The following MSRA variants were observed in gnomAD, a reference collection of about 807,000 sequenced individuals.
MSRA encodes methionine sulfoxide reductase A, also known as mitochondrial peptide methionine sulfoxide reductase.
A neutral mutation model predicts 31.3 loss-of-function variants in MSRA; 54 were observed. The ratio of observed to expected loss-of-function variants is 1.73; its 90% CI spans 1.39 to 2.17. MSRA has a LOEUF of 2.17. Ranked by LOEUF, MSRA falls within the 30% of genes most tolerant of loss-of-function variation. The pLI, the probability that MSRA is intolerant of heterozygous loss-of-function variation, is 0.00. For missense variants in MSRA, 507 were observed against 300.9 expected (o/e 1.69, Z -5.07); for synonymous variants, 169 against 116.5 (o/e 1.45, Z -2.90).
At chr8:10,290,991 A>G (rs751079955) in intron 3 of MSRA, among the ~76,000 whole-genome samples, 57 of 152,240 alleles carry the variant, frequency 3.7e-4, no homozygotes, top group Middle Eastern at 6.8e-3. Flanking sequence ...ATCCAGCTCA[A>G]AGGGTTAGCA....
At chr8:10,345,497 C>A (rs567702967) in intron 5 of MSRA, among the ~76,000 whole-genome samples, 71 of 152,298 alleles carry the variant, frequency 4.7e-4, no homozygotes, top group Non-Finnish European at 9.0e-4. Flanking sequence ...CACACACATA[C>A]ACAGACACAC....
At chr8:10,173,598 A>G (rs1287658852) in intron 1 of MSRA, among the ~76,000 whole-genome samples, 5 of 152,106 alleles carry the variant, frequency 3.3e-5, no homozygotes, top group African/African-American at 7.2e-5. Context: ...CCTCAAACGT[A>G]TGCTCAGCAC....
At chr8:10,107,269 T>C (rs1420685358) in intron 1 of MSRA, among the ~76,000 whole-genome samples, 1 of 152,048 alleles carries the variant, frequency 6.6e-6, no homozygotes, top group Non-Finnish European at 1.5e-5. Flanking sequence ...CATGAGTGTT[T>C]TTTTTTTTAA....
intron 3 of MSRA, among the ~76,000 whole-genome samples, chr8:10,286,649 C>A (rs1799954388): frequency 6.6e-6 from 1 of 152,244 alleles, no homozygotes; most frequent in Non-Finnish European, 1.5e-5. Flanking sequence ...GTGCCCCTCC[C>A]ATGGCACCTA....
chr8:10,157,723 G>T (rs1300859221), intron 1 of MSRA, among the ~76,000 whole-genome samples: 1 of 151,934 alleles, frequency 6.6e-6, no homozygotes, highest in Non-Finnish European at 1.5e-5. Context: ...ACCTAAAGAA[G>T]GTTCACACAT....
chr8:10,306,944 C>A (rs1005096949), intron 4 of MSRA, among the ~76,000 whole-genome samples: 3 of 152,172 alleles, frequency 2.0e-5, no homozygotes, highest in African/African-American at 7.2e-5. Context: ...ATAGATGTTT[C>A]ATAATCCTAA....
At chr8:10,428,010 G>A in intron 5 of MSRA, 138 bp from the exon 6 acceptor site, 1 of 820,076 alleles carries the variant, frequency 1.2e-6, no homozygotes, top group Non-Finnish European at 1.9e-6. Context: ...GGAATGCGGA[G>A]AGCCCGGCCT....
rs184032947 is a variant in MSRA, at chr8:10,197,193, G to C, written c.143-10640G>C. Among the ~76,000 whole-genome samples, 181 of 152,170 alleles carry C rather than the reference G, an allele frequency of 1.2e-3. 1 individual carries two copies. The highest frequency in any genetic ancestry group is 4.1e-3 in the African/African-American group (169 of 41,500). On this transcript the variant is annotated intron_variant, in intron 1 of 5. Transcript: ENST00000317173. ...ATTAGGAATTACTTGTGTTAATAGTGGTGGTGAGATTTCATAAAAGTCAGG... is the reference window on the plus strand; with the variant it reads ...ATTAGGAATTACTTGTGTTAATAGTCGTGGTGAGATTTCATAAAAGTCAGG...
intron 1 of MSRA, among the ~76,000 whole-genome samples, chr8:10,197,610 G>C (rs1808107191): frequency 6.6e-6 from 1 of 152,138 alleles, no homozygotes; most frequent in Non-Finnish European, 1.5e-5. Context: ...AACTGTGATG[G>C]GGTTTGGCTG....
intron 3 of MSRA, among the ~76,000 whole-genome samples, chr8:10,280,352 C>A (rs1255688863): frequency 9.2e-6 from 1 of 108,174 alleles, no homozygotes. Flanking sequence ...TTACTTTTTG[C>A]TCCTTTCTAA....
chr8:10,071,732 C>CAGA (rs1797741151), intron 1 of MSRA, among the ~76,000 whole-genome samples: 1 of 152,132 alleles, frequency 6.6e-6, no homozygotes, highest in Non-Finnish European at 1.5e-5. Context: ...TTGTGTCAAA[C>CAGA]AGAACTCTGT....
At chr8:10,365,515 C>A (rs960655153) in intron 5 of MSRA, among the ~76,000 whole-genome samples, 9 of 152,186 alleles carry the variant, frequency 5.9e-5, no homozygotes, top group African/African-American at 2.2e-4. Flanking sequence ...AAAAAAAGAA[C>A]GTTGTTGGGG....
intron 3 of MSRA, among the ~76,000 whole-genome samples, chr8:10,284,249 C>T (rs921055637): frequency 1.8e-4 from 28 of 152,108 alleles, no homozygotes; most frequent in African/African-American, 5.8e-4. Flanking sequence ...AGTGCAATGG[C>T]ACAATCTCGG....
intron 3 of MSRA, among the ~76,000 whole-genome samples, chr8:10,300,711 G>T (rs1174628347): frequency 2.0e-5 from 3 of 152,110 alleles, no homozygotes; most frequent in African/African-American, 7.2e-5. Flanking sequence ...CACATAAGGT[G>T]ACTGAAAACA....
chr8:10,200,953 G>A (rs757380932), intron 1 of MSRA, among the ~76,000 whole-genome samples: 2 of 152,144 alleles, frequency 1.3e-5, no homozygotes, highest in East Asian at 1.9e-4. Flanking sequence ...TGAGGGGCCC[G>A]CTGCAGAGAT....
intron 2 of MSRA, among the ~76,000 whole-genome samples, chr8:10,215,511 G>A (rs919101825): frequency 6.6e-6 from 1 of 152,156 alleles, no homozygotes; most frequent in African/African-American, 2.4e-5. Flanking sequence ...GGAGAGTGAC[G>A]CCAACATCAC....
intron 2 of MSRA, among the ~76,000 whole-genome samples, chr8:10,236,897 G>T (rs1054883755): frequency 1.3e-5 from 2 of 152,102 alleles, no homozygotes; most frequent in African/African-American, 4.8e-5. Flanking sequence ...TGGTATTGAA[G>T]GACATCCAAG....
intron 1 of MSRA, among the ~76,000 whole-genome samples, chr8:10,115,961 C>G (rs544197566): frequency 1.3e-5 from 2 of 152,192 alleles, no homozygotes; most frequent in Non-Finnish European, 2.9e-5. Flanking sequence ...AGAATAGTTG[C>G]CGTCCCCTTC....
At chr8:10,187,755 A>G (rs1168171189) in intron 1 of MSRA, among the ~76,000 whole-genome samples, 1 of 152,232 alleles carries the variant, frequency 6.6e-6, no homozygotes, top group Non-Finnish European at 1.5e-5. Flanking sequence ...TTTGATAAAC[A>G]TCATGTTACC....
Sources: gnomAD v4.1 joint callset for allele counts (sites outside exome capture counted in the v4.1 genomes callset) on GRCh38, gnomAD v4.1.1 for gene constraint, MANE v1.5 for transcripts, NCBI Gene and HGNC (gene_info 2026-07-23, HGNC 2026-07-21) for gene names.